Variants in ELP4 observed in about 807,000 individuals in gnomAD.
ELP4 encodes the protein elongator acetyltransferase complex subunit 4, also known as elongator complex protein 4.
ELP4 carries 51 observed loss-of-function variants against 48.9 expected under a neutral mutation model. The ratio of observed to expected loss-of-function variants is 1.04; its 90% CI spans 0.83 to 1.32. The LOEUF (loss-of-function observed/expected upper bound fraction) is 1.32. Ranked by LOEUF, ELP4 falls within the 40% of genes most tolerant of loss-of-function variation. The pLI is 0.00. For synonymous variants in ELP4, 210 were observed against 189.2 expected (o/e 1.11, Z -0.90); for missense variants, 519 against 514.6 (o/e 1.01, Z -0.08).
chr11:31,718,995 A>G (rs1489909947), intron 9 of ELP4, among the ~76,000 whole-genome samples: 18 of 152,150 alleles, frequency 1.2e-4, no homozygotes, highest in Admixed American at 1.2e-3. Flanking sequence ...ACAGTGGCTC[A>G]CACCTGTAAT....
At position 31,598,503 on chromosome 11, in the gene ELP4, CTT is replaced by C. The variant is rs10702222; in HGVS notation, c.513+3623_513+3624del. Among the ~76,000 whole-genome samples, 6 of 77,738 alleles carry C rather than the reference CTT, an allele frequency of 7.7e-5. No individual in the cohort carries two copies. In the Admixed American group the frequency reaches 8.1e-4, roughly 10 times the overall value. 51.0% of individuals were successfully genotyped at this position (77,738 alleles called of 152,430 possible). A position where few individuals can be genotyped will look rare whatever the true frequency, so the allele number is the denominator to read the frequency against. The stretch of plus-strand genomic sequence containing the variant: ...TTTCCTTTTTTTTTCTTTTCTTCTT[CTT>C]TTTTTTTTTTTTTTTTTTTTGAGAT... On this transcript the variant is annotated intron_variant, in intron 4 of 9. Transcript: ENST00000640961.
chr11:31,701,967 G>A (rs117441256), intron 9 of ELP4, among the ~76,000 whole-genome samples: 21 of 152,048 alleles, frequency 1.4e-4, no homozygotes, highest in South Asian at 4.2e-4. Context: ...GCCACAGTAC[G>A]AAGCGAATAA....
chr11:31,690,643 T>C (rs189295267), intron 9 of ELP4, among the ~76,000 whole-genome samples: 10 of 152,146 alleles, frequency 6.6e-5, no homozygotes, highest in African/African-American at 2.4e-4. Flanking sequence ...CATTTTATTT[T>C]GATCTTTCTT....
intron 5 of ELP4, among the ~76,000 whole-genome samples, chr11:31,613,086 T>A (rs1554964726): frequency 6.6e-6 from 1 of 152,182 alleles, no homozygotes; most frequent in Non-Finnish European, 1.5e-5. Context: ...CTAAGGCTAA[T>A]GGAAGCTGTA....
intron 5 of ELP4, among the ~76,000 whole-genome samples, chr11:31,607,467 G>A (rs960759449): frequency 2.6e-5 from 4 of 152,166 alleles, no homozygotes; most frequent in African/African-American, 7.2e-5. Flanking sequence ...GTTCTCACAT[G>A]GCAGAATGTG....
intron 3 of ELP4, among the ~76,000 whole-genome samples, chr11:31,593,119 T>A (rs1213536891): frequency 6.6e-6 from 1 of 152,206 alleles, no homozygotes; most frequent in Non-Finnish European, 1.5e-5. Context: ...GACTGACTTC[T>A]CACAATCTAA....
At chr11:31,738,362 TGA>T (rs1947368680) in intron 9 of ELP4, among the ~76,000 whole-genome samples, 1 of 151,442 alleles carries the variant, frequency 6.6e-6, no homozygotes, top group Non-Finnish European at 1.5e-5. Flanking sequence ...CAGTGAGCTG[TGA>T]TTACACCACT....
chr11:31,534,266 G>GGTGTGTGTGTGTGTGT lies in ELP4; in HGVS notation c.260-5385_260-5370dup, dbSNP rs61054150. 3.0e-3 allele frequency among the ~76,000 whole-genome samples: 441 copies of GGTGTGTGTGTGTGTGT among 148,228 alleles called. 3 individuals carry two copies. Among genetic ancestry groups the GGTGTGTGTGTGTGTGT allele is most frequent in the African/African-American group, 0.01 (413 of 40,252 alleles). ...ATAAGGATGGGGAGAGAGGTGGATT[G>GGTGTGTGTGTGTGTGT]GTGTGTGTGTGTGTGTGTGTGTGTG... is the stretch of plus-strand genomic sequence containing the variant. On this transcript the variant is annotated intron_variant, in intron 2 of 9. Coordinates refer to ENST00000640961, the MANE Select transcript of ELP4 (RefSeq NM_019040.5).
chr11:31,658,508 T>C (rs955009679), intron 9 of ELP4, among the ~76,000 whole-genome samples: 1 of 151,830 alleles, frequency 6.6e-6, no homozygotes, highest in African/African-American at 2.4e-5. Context: ...TTTACTGTTA[T>C]AGGATTTCTA....
chr11:31,536,886 TC>T (rs2082653186), intron 2 of ELP4, among the ~76,000 whole-genome samples: 1 of 152,258 alleles, frequency 6.6e-6, no homozygotes, highest in Non-Finnish European at 1.5e-5. Context: ...ATACCAGTCC[TC>T]TACTATGTAT....
intron 9 of ELP4, among the ~76,000 whole-genome samples, chr11:31,736,198 C>T (rs967022525): frequency 2.0e-5 from 3 of 152,126 alleles, no homozygotes; most frequent in Non-Finnish European, 4.4e-5. Flanking sequence ...TGATCTTTGA[C>T]AAACCTGAGA....
chr11:31,781,089 G>A (rs1948363320), intron 9 of ELP4, among the ~76,000 whole-genome samples: 1 of 152,102 alleles, frequency 6.6e-6, no homozygotes, highest in Non-Finnish European at 1.5e-5. Context: ...TCATATTACT[G>A]TATTGTAAGG....
At chr11:31,644,918 A>G (rs1308531818) in intron 7 of ELP4, among the ~76,000 whole-genome samples, 2 of 151,798 alleles carry the variant, frequency 1.3e-5, no homozygotes, top group East Asian at 3.9e-4. Flanking sequence ...AGAAACTTAG[A>G]TGTTATTCTT....
chr11:31,664,735 T>C (rs1173818959), intron 9 of ELP4, among the ~76,000 whole-genome samples: 4 of 152,094 alleles, frequency 2.6e-5, no homozygotes, highest in Admixed American at 2.0e-4. Flanking sequence ...TACTAAAAAT[T>C]AAACAAATTT....
At chr11:31,543,663 G>T (rs184132613) in intron 3 of ELP4, among the ~76,000 whole-genome samples, 1 of 152,254 alleles carries the variant, frequency 6.6e-6, no homozygotes, top group East Asian at 1.9e-4. Flanking sequence ...TGAAGCAAGT[G>T]ATAAAGACAA....
At chr11:31,684,787 A>G (rs1592221420) in intron 9 of ELP4, among the ~76,000 whole-genome samples, 1 of 152,330 alleles carries the variant, frequency 6.6e-6, no homozygotes, top group Middle Eastern at 3.4e-3. Context: ...AGCGTAAACA[A>G]AAATCAATTC....
intron 9 of ELP4, among the ~76,000 whole-genome samples, chr11:31,694,545 A>G (rs893678668): frequency 1.3e-5 from 2 of 152,160 alleles, no homozygotes; most frequent in East Asian, 1.9e-4. Context: ...TACCAGTACC[A>G]TGCTGTTTTG....
chr11:31,568,019 T>A (rs1957140468), intron 3 of ELP4, among the ~76,000 whole-genome samples: 1 of 152,202 alleles, frequency 6.6e-6, no homozygotes, highest in African/African-American at 2.4e-5. Context: ...TGATGCTGTT[T>A]GGCAGCATTT....
intron 9 of ELP4, among the ~76,000 whole-genome samples, chr11:31,770,850 CAAGA>C (rs1948126985): frequency 1.3e-5 from 1 of 74,408 alleles, no homozygotes; most frequent in Admixed American, 2.0e-4. Context: ...AAAAAAAAAA[CAAGA>C]AAGGAGGGAG....
Sources: allele counts gnomAD v4.1 joint callset (sites outside exome capture counted in the v4.1 genomes callset), GRCh38; gene constraint gnomAD v4.1.1; transcripts MANE v1.5; gene names NCBI Gene and HGNC (gene_info 2026-07-23, HGNC 2026-07-21).